KCNMA1: variants seen among roughly 807,000 people sequenced by gnomAD.
KCNMA1 encodes the protein potassium calcium-activated channel subfamily M alpha 1, also known as Calcium-activated potassium channel subunit alpha-1.
Under a neutral mutation model 140.0 loss-of-function variants are expected in KCNMA1, and 29 were observed. The ratio of observed to expected loss-of-function variants is 0.21; its 90% CI spans 0.15 to 0.28. The LOEUF is 0.28. Ranked by LOEUF, KCNMA1 falls within the 10% of genes least tolerant of loss-of-function variation. The pLI is 1.00. For synonymous variants in KCNMA1, 612 were observed against 611.9 expected (o/e 1.00, Z 0.00); for missense variants, 880 against 1,602.2 (o/e 0.55, Z 7.70).
intron 1 of KCNMA1, among the ~76,000 whole-genome samples, chr10:77,458,323 T>C (rs1483072775): frequency 6.6e-6 from 1 of 152,118 alleles, no homozygotes; most frequent in Non-Finnish European, 1.5e-5. Context: ...ATTCTAAAGA[T>C]AGGGCAGGCA....
chr10:77,046,432 T>C (rs1235350109), intron 14 of KCNMA1, among the ~76,000 whole-genome samples: 1 of 152,186 alleles, frequency 6.6e-6, no homozygotes, highest in Non-Finnish European at 1.5e-5. Flanking sequence ...CCTACAATAC[T>C]AAACATGAAA....
At chr10:77,324,971 C>CTCTCTCTCTCTCTG (rs766240356) in intron 2 of KCNMA1, among the ~76,000 whole-genome samples, 68 of 90,442 alleles carry the variant, frequency 7.5e-4, no homozygotes, top group South Asian at 9.6e-4. Context: ...CTCTCTCTCT[C>CTCTCTCTCTCTCTG]TGTGTGTGTG....
downstream of KCNMA1, among the ~76,000 whole-genome samples, chr10:76,883,046 A>G (rs1564682096): frequency 6.6e-6 from 1 of 152,150 alleles, no homozygotes; most frequent in Non-Finnish European, 1.5e-5. Flanking sequence ...GGCTTTTCCC[A>G]TGCTGCAGAA....
In KCNMA1 at chr10:76,910,008, C is replaced by T; in HGVS notation, c.3105G>A (p.Gly1035=). The T allele has an allele frequency of 2.5e-6, 4 of 1,613,998 alleles. No individual in the cohort carries two copies. Among genetic ancestry groups the T allele is most frequent in the Non-Finnish European group, 3.4e-6 (4 of 1,179,974 alleles). The change falls in exon 25 of 28, where the codon GGG becomes GGA. Residue 1035 remains glycine (G), a synonymous_variant. Transcript: ENST00000286628. ...CCAGGACACTGACGGCAAATGCTGT[C>T]CCACAGGCAAAGGGCTGCGTGAGGT... ...ELYLTQPFAC[G]TAFAVSVLDS...
chr10:77,370,488 G>T (rs1019049849), intron 2 of KCNMA1, among the ~76,000 whole-genome samples: 1 of 152,176 alleles, frequency 6.6e-6, no homozygotes, highest in East Asian at 1.9e-4. Flanking sequence ...GCCGCTGCCT[G>T]TTTGAGATTG....
intron 1 of KCNMA1, among the ~76,000 whole-genome samples, chr10:77,587,452 TC>T (rs2077570153): frequency 6.6e-6 from 1 of 152,158 alleles, no homozygotes; most frequent in South Asian, 2.1e-4. Context: ...AACAAACTTT[TC>T]CCCAGCAGCC....
At position 77,614,810 on chromosome 10, in the gene KCNMA1, T is replaced by C. The variant is rs73293852; in HGVS notation, c.378+22455A>G. Among the ~76,000 whole-genome samples, 1,471 of 152,260 alleles carry C rather than the reference T, an allele frequency of 9.7e-3. 18 individuals carry two copies. Among genetic ancestry groups the C allele is most frequent in the African/African-American group, 0.033 (1,385 of 41,562 alleles). On this transcript the variant is annotated intron_variant, in intron 1 of 27. Transcript: ENST00000286628. The stretch of plus-strand genomic sequence containing the variant: ...ATCCCTCACCCAGCCCCAGCTCAGC[T>C]TGGGCTCCCCCAAGCAAGCACCACA...
At chr10:76,969,914 G>A (rs1329451142) in intron 20 of KCNMA1, 60 bp downstream of exon 20, 5 of 1,350,206 alleles carry the variant, frequency 3.7e-6, no homozygotes, top group African/African-American at 1.4e-5. Flanking sequence ...TGAGGAGAGG[G>A]CGAGGGGAGG....
intron 1 of KCNMA1, among the ~76,000 whole-genome samples, chr10:77,573,015 C>T (rs529836175): frequency 3.9e-4 from 60 of 152,244 alleles, no homozygotes; most frequent in African/African-American, 1.3e-3. Context: ...AGGGCAGCTT[C>T]CACTCACCAC....
chr10:77,351,686 T>C (rs900989202), intron 2 of KCNMA1, among the ~76,000 whole-genome samples: 1 of 152,184 alleles, frequency 6.6e-6, no homozygotes, highest in Admixed American at 6.5e-5. Flanking sequence ...ATTGTTTATA[T>C]GAGTCATTCT....
At chr10:77,282,629 A>G (rs2069066773) in intron 2 of KCNMA1, among the ~76,000 whole-genome samples, 1 of 152,070 alleles carries the variant, frequency 6.6e-6, no homozygotes, top group Admixed American at 6.6e-5. Flanking sequence ...CTGTGGAATA[A>G]TTGTGCATCC....
At chr10:77,609,020 T>G (rs1051923052) in intron 1 of KCNMA1, among the ~76,000 whole-genome samples, 2 of 152,186 alleles carry the variant, frequency 1.3e-5, no homozygotes, top group African/African-American at 2.4e-5. Context: ...AAAGTCATTA[T>G]GGAAAACAGT....
chr10:77,113,353 A>C (rs1446699302), intron 6 of KCNMA1, among the ~76,000 whole-genome samples: 2 of 152,198 alleles, frequency 1.3e-5, no homozygotes, highest in Non-Finnish European at 2.9e-5. Flanking sequence ...GTCCCTTCTA[A>C]TGTATAATTG....
At chr10:77,187,762 C>A (rs1056669845) in intron 3 of KCNMA1, among the ~76,000 whole-genome samples, 1 of 152,064 alleles carries the variant, frequency 6.6e-6, no homozygotes, top group African/African-American at 2.4e-5. Context: ...GCCACTACAG[C>A]CCCAGGAGAA....
chr10:77,005,498 A>G (rs749457741), intron 18 of KCNMA1, among the ~76,000 whole-genome samples: 15 of 152,130 alleles, frequency 9.9e-5, no homozygotes, highest in Non-Finnish European at 1.9e-4. Context: ...GGCTCTTGAA[A>G]CTTCATGCTC....
At chr10:77,111,098 T>G (rs547083582) in intron 7 of KCNMA1, among the ~76,000 whole-genome samples, 65 of 152,218 alleles carry the variant, frequency 4.3e-4, no homozygotes, top group Non-Finnish European at 7.6e-4. Flanking sequence ...GTGGCTGGAT[T>G]TGGAGAGCTT....
intron 1 of KCNMA1, among the ~76,000 whole-genome samples, chr10:77,516,590 C>G (rs116840272): frequency 6.6e-6 from 1 of 152,236 alleles, no homozygotes; most frequent in Non-Finnish European, 1.5e-5. Flanking sequence ...AAGTAAGATA[C>G]GTTCCAAAAG....
intron 1 of KCNMA1, among the ~76,000 whole-genome samples, chr10:77,562,370 C>T (rs550007667): frequency 3.9e-5 from 6 of 152,292 alleles, no homozygotes; most frequent in Admixed American, 1.3e-4. Context: ...AATTAACATC[C>T]AAAGCGGTCT....
At chr10:77,020,933 TG>T (rs1490803036) in intron 16 of KCNMA1, 1 of 152,146 alleles carries the variant, frequency 6.6e-6, no homozygotes, top group Non-Finnish European at 1.5e-5. Flanking sequence ...AGGTGGATAA[TG>T]GTAACAATAA....
Sources: gnomAD v4.1 joint callset for allele counts (sites outside exome capture counted in the v4.1 genomes callset) on GRCh38, gnomAD v4.1.1 for gene constraint, MANE v1.5 for transcripts, NCBI Gene and HGNC (gene_info 2026-07-23, HGNC 2026-07-21) for gene names.